ALDH1A2: variants seen among roughly 807,000 people sequenced by gnomAD.
The protein encoded by ALDH1A2 is aldehyde dehydrogenase 1 family member A2, also known as retinal dehydrogenase 2.
A neutral mutation model predicts 60.3 loss-of-function variants in ALDH1A2; 27 were observed. The ratio of observed to expected loss-of-function variants is 0.45; its 90% CI spans 0.33 to 0.62. ALDH1A2 has a LOEUF of 0.62. Ranked by LOEUF, ALDH1A2 falls within the 20% of genes least tolerant of loss-of-function variation. The pLI, the probability that ALDH1A2 is intolerant of heterozygous loss-of-function variation, is 0.02. For missense variants in ALDH1A2, 581 were observed against 643.8 expected, an observed-to-expected ratio of 0.90 and a Z score of 1.06; for synonymous variants, 289 against 232.4, an observed-to-expected ratio of 1.24 and a Z score of -2.21.
At position 57,993,003 on chromosome 15, in the gene ALDH1A2, A is replaced by T. The variant is rs1894945601; in HGVS notation, c.626T>A (p.Ile209Asn). The T allele has an allele frequency of 6.2e-7, 1 of 1,613,848 alleles. No individual in the cohort carries two copies. Among genetic ancestry groups the T allele is most frequent in the African/African-American group, 1.3e-5 (1 of 74,932 alleles). Residue 209 changes from isoleucine (I) to asparagine (N), a missense_variant, in exon 6 of 13, where the codon ATT becomes AAT. Coordinates refer to ENST00000249750, the MANE Select transcript of ALDH1A2 (RefSeq NM_003888.4). ...PALCCGNTVV[I>N]KPAEQTPLSA... Reference sequence around the variant, plus strand: ...GAGTGGTGTTTGCTCTGCTGGCTTAATAACTACTGTATTGCCACAGCACAA... The same window carrying T: ...GAGTGGTGTTTGCTCTGCTGGCTTATTAACTACTGTATTGCCACAGCACAA...
chr15:58,050,751 T>C (rs1896753921), intron 1 of ALDH1A2, among the ~76,000 whole-genome samples: 1 of 152,210 alleles, frequency 6.6e-6, no homozygotes, highest in South Asian at 2.1e-4. Context: ...CTAAAGCCTA[T>C]TTCAACTAAG....
intron 5 of ALDH1A2, among the ~76,000 whole-genome samples, chr15:57,994,781 A>C (rs1307059612): frequency 6.6e-6 from 1 of 152,178 alleles, no homozygotes; most frequent in Non-Finnish European, 1.5e-5. Flanking sequence ...TTAATTTTCC[A>C]TAAGCAGAAT....
intron 7 of ALDH1A2, chr15:57,980,305 A>T: frequency 2.4e-6 from 1 of 410,090 alleles, no homozygotes; most frequent in Non-Finnish European, 5.0e-6. Context: ...TCATGTTCCC[A>T]CTCTCAAACA....
chr15:58,049,573 GCTA>G (rs1487638454), intron 1 of ALDH1A2, among the ~76,000 whole-genome samples: 1 of 151,996 alleles, frequency 6.6e-6, no homozygotes, highest in Non-Finnish European at 1.5e-5. Context: ...ACTCTCTGTT[GCTA>G]CTAAGACCAC....
chr15:58,014,893 G>C (rs1266401345), intron 1 of ALDH1A2, among the ~76,000 whole-genome samples: 1 of 152,142 alleles, frequency 6.6e-6, no homozygotes, highest in Non-Finnish European at 1.5e-5. Flanking sequence ...AGCAAGTGGG[G>C]TGTAATTTTC....
intron 1 of ALDH1A2, among the ~76,000 whole-genome samples, chr15:58,041,030 C>A (rs181897647): frequency 6.6e-6 from 1 of 151,980 alleles, no homozygotes; most frequent in Admixed American, 6.6e-5. Context: ...CAGGGTGGTG[C>A]CCTGGAGCAA....
At position 58,006,859 on chromosome 15, in the gene ALDH1A2, TAAAA is replaced by T. The variant is rs35453203; in HGVS notation, c.493+3786_493+3789del. Among the ~76,000 whole-genome samples, 1,250 of 139,824 alleles carry T rather than the reference TAAAA, an allele frequency of 8.9e-3. 12 individuals carry two copies. Among genetic ancestry groups the T allele is most frequent in the African/African-American group, 0.025 (928 of 37,682 alleles). The allele number at this position is 139,824 out of a possible 152,430, so 91.7% of individuals were successfully genotyped here. A position where few individuals can be genotyped will look rare whatever the true frequency, so the allele number is the denominator to read the frequency against. ...CTTCTTGCTTCAGCTCTCATATTGT[TAAAA>T]AAAAAAAAAAAAAGTGTCCTTTTTT... On this transcript the variant is annotated intron_variant, in intron 4 of 12. Transcript: ENST00000249750.
At chr15:58,002,719 G>C (rs1024211227) in intron 4 of ALDH1A2, among the ~76,000 whole-genome samples, 1 of 151,796 alleles carries the variant, frequency 6.6e-6, no homozygotes, top group Non-Finnish European at 1.5e-5. Context: ...TTATTCAATA[G>C]CATAAAAATC....
intron 1 of ALDH1A2, among the ~76,000 whole-genome samples, chr15:58,059,735 T>C (rs945572314): frequency 1.3e-5 from 2 of 152,172 alleles, no homozygotes; most frequent in Non-Finnish European, 2.9e-5. Context: ...AGTAACTTTT[T>C]TAGTAAAGAC....
intron 12 of ALDH1A2, among the ~76,000 whole-genome samples, chr15:57,957,286 G>C (rs1203703509): frequency 6.6e-6 from 1 of 152,068 alleles, no homozygotes; most frequent in East Asian, 1.9e-4. Context: ...GTATACATAA[G>C]TATCACCCAA....
intron 7 of ALDH1A2, among the ~76,000 whole-genome samples, chr15:57,988,891 G>T (rs367664958): frequency 1.6e-4 from 24 of 150,454 alleles, no homozygotes; most frequent in African/African-American, 5.1e-4. Flanking sequence ...GTTATGTGCC[G>T]GGCGCAGTGG....
intron 7 of ALDH1A2, among the ~76,000 whole-genome samples, chr15:57,986,079 G>A (rs527335581): frequency 6.6e-6 from 1 of 152,130 alleles, no homozygotes; most frequent in East Asian, 1.9e-4. Context: ...TTAATCAAAA[G>A]GTGCCAGAGA....
chr15:58,011,353 A>G (rs1171668298), intron 3 of ALDH1A2, among the ~76,000 whole-genome samples: 1 of 152,212 alleles, frequency 6.6e-6, no homozygotes, highest in African/African-American at 2.4e-5. Context: ...TACATTAACA[A>G]CCATTACCTA....
intron 1 of ALDH1A2, among the ~76,000 whole-genome samples, chr15:58,023,922 C>T (rs1896001666): frequency 6.6e-6 from 1 of 152,094 alleles, no homozygotes; most frequent in African/African-American, 2.4e-5. Context: ...GGAGAAACCT[C>T]CTCTCCACTG....
chr15:57,964,760 A>G (rs1893839836), intron 8 of ALDH1A2: 1 of 152,416 alleles, frequency 6.6e-6, no homozygotes, highest in Admixed American at 6.5e-5. Flanking sequence ...AAAACAGCTT[A>G]ATCTGACGTG....
intron 1 of ALDH1A2, among the ~76,000 whole-genome samples, chr15:58,045,767 A>T (rs1416772925): frequency 2.0e-5 from 3 of 151,988 alleles, no homozygotes; most frequent in African/African-American, 4.8e-5. Context: ...TAAGTATGGT[A>T]CGTGTATACC....
At chr15:57,957,610 G>T (rs1893572507) in intron 12 of ALDH1A2, among the ~76,000 whole-genome samples, 1 of 152,108 alleles carries the variant, frequency 6.6e-6, no homozygotes, top group Non-Finnish European at 1.5e-5. Context: ...CTCTCTGTGT[G>T]GTTACCTTCA....
chr15:57,987,663 G>A (rs1436382238), intron 7 of ALDH1A2, among the ~76,000 whole-genome samples: 2 of 151,990 alleles, frequency 1.3e-5, no homozygotes, highest in Non-Finnish European at 1.5e-5. Context: ...GGCGGATCAC[G>A]AGGTCACGAG....
At chr15:58,006,303 A>C (rs1228059320) in intron 4 of ALDH1A2, among the ~76,000 whole-genome samples, 1 of 152,056 alleles carries the variant, frequency 6.6e-6, no homozygotes, top group African/African-American at 2.4e-5. Flanking sequence ...ACTTAGAATA[A>C]TGGCCTCCAG....
Sources: gnomAD v4.1 joint callset for allele counts (sites outside exome capture counted in the v4.1 genomes callset) on GRCh38, gnomAD v4.1.1 for gene constraint, MANE v1.5 for transcripts, NCBI Gene and HGNC (gene_info 2026-07-23, HGNC 2026-07-21) for gene names.